The following C18orf63 variants were observed in gnomAD, a reference collection of about 807,000 sequenced individuals.
C18orf63 encodes the protein chromosome 18 open reading frame 63, also known as uncharacterized protein C18orf63.
A neutral mutation model predicts 75.3 loss-of-function variants in C18orf63; 50 were observed. The observed-to-expected ratio is 0.66, with a 90% CI of 0.53 to 0.84. The LOEUF (loss-of-function observed/expected upper bound fraction) is 0.84. C18orf63 is among the 40% of genes least tolerant of loss of function. C18orf63 has a pLI of 0.00. For missense variants in C18orf63, 732 were observed against 800.2 expected (o/e 0.91, Z 1.03); for synonymous variants, 232 against 267.6 (o/e 0.87, Z 1.30).
chr18:74,353,713 T>C lies in C18orf63; in HGVS notation c.1446T>C (p.Asn482=). 2 of 1,536,058 alleles carry C rather than the reference T, an allele frequency of 1.3e-6. No homozygotes were observed. Among genetic ancestry groups the C allele is most frequent in the Non-Finnish European group, 1.7e-6 (2 of 1,146,828 alleles). Residue 482 remains asparagine, a synonymous_variant, in exon 12 of 14, where the codon AAT becomes AAC. Coordinates refer to ENST00000579455, the MANE Select transcript of C18orf63 (RefSeq NM_001174123.2). ...GTATGATCCAGCATGACAAACTGAATTTAGGTCCAGCTATAAAAAACCGTT... is the reference window on the plus strand; with the variant it reads ...GTATGATCCAGCATGACAAACTGAACTTAGGTCCAGCTATAAAAAACCGTT... ...KTSMIQHDKL[N]LGPAIKNRYS...
At chr18:74,319,241 C>T (rs1393833858) in intron 2 of C18orf63, among the ~76,000 whole-genome samples, 1 of 151,670 alleles carries the variant, frequency 6.6e-6, no homozygotes, top group African/African-American at 2.4e-5. Flanking sequence ...TATCTTCACT[C>T]ACCCTCCCGG....
At chr18:74,335,597 A>G (rs995436143) in intron 7 of C18orf63, among the ~76,000 whole-genome samples, 1 of 152,158 alleles carries the variant, frequency 6.6e-6, no homozygotes, top group Non-Finnish European at 1.5e-5. Context: ...CATGAGGGAT[A>G]TATTTCAGAA....
chr18:74,318,279 T>C (rs1262792370), intron 2 of C18orf63, among the ~76,000 whole-genome samples: 1 of 152,214 alleles, frequency 6.6e-6, no homozygotes, highest in African/African-American at 2.4e-5. Context: ...ATTCATGAAT[T>C]AAATTCAGGC....
At position 74,350,781 on chromosome 18, in the gene C18orf63, C is replaced by A. The variant is rs146861884; in HGVS notation, c.979-2465C>A. On this transcript the variant is annotated intron_variant, in intron 11 of 13. Coordinates refer to ENST00000579455, the MANE Select transcript of C18orf63 (RefSeq NM_001174123.2). ...GAAACTTAGCTGGGTTTTCTTTGCA[C>A]CCCTTGAAAATAATGGGCAAATTAA... Among the ~76,000 whole-genome samples, 3 of 152,232 alleles carry A rather than the reference C, an allele frequency of 2.0e-5. No homozygotes were observed. The East Asian group carries it at 5.8e-4, about 29-fold the overall frequency.
chr18:74,331,727 C>T (rs117169991), intron 7 of C18orf63, among the ~76,000 whole-genome samples: 34 of 152,226 alleles, frequency 2.2e-4, no homozygotes, highest in African/African-American at 8.2e-4. Context: ...TTGAGAAACC[C>T]CAGGCATAGA....
intron 13 of C18orf63, among the ~76,000 whole-genome samples, chr18:74,355,727 T>C (rs903383021): frequency 9.2e-5 from 14 of 152,064 alleles, no homozygotes; most frequent in Non-Finnish European, 1.8e-4. Flanking sequence ...TGATACCAGC[T>C]TGGGCAACAT....
intron 8 of C18orf63, among the ~76,000 whole-genome samples, chr18:74,339,236 T>A (rs1047706542): frequency 7.2e-5 from 11 of 152,064 alleles, no homozygotes; most frequent in African/African-American, 2.7e-4. Context: ...GCAGGACTAT[T>A]GGGATAAAAT....
At chr18:74,345,654 G>C (rs1297124138) in intron 11 of C18orf63, among the ~76,000 whole-genome samples, 1 of 151,920 alleles carries the variant, frequency 6.6e-6, no homozygotes, top group Non-Finnish European at 1.5e-5. Context: ...TTCCCCAATA[G>C]TTTTTCTCCC....
Position 74,320,498 on chromosome 18 carries a change from A to AT in C18orf63, c.135-12dup. On this transcript the variant is annotated splice_polypyrimidine_tract_variant and intron_variant, in intron 2 of 13. Transcript: ENST00000579455. Reference sequence around the variant, plus strand: ...ACCATACCAGTCCACTTTGTAATATATTTCATCTCCACAGGCAATTGCTGT... The same window carrying AT: ...ACCATACCAGTCCACTTTGTAATATATTTTCATCTCCACAGGCAATTGCTGT... 6.6e-7 allele frequency: 1 copy of AT among 1,517,386 alleles called. No individual in the cohort carries two copies. Among genetic ancestry groups the AT allele is most frequent in the Non-Finnish European group, 8.8e-7 (1 of 1,131,568 alleles). The allele number at this position is 1,517,386 out of a possible 1,614,324, so 94.0% of individuals were successfully genotyped here. A position where few individuals can be genotyped will look rare whatever the true frequency, so the allele number is the denominator to read the frequency against.
chr18:74,341,053 C>T (rs193179072), intron 8 of C18orf63, among the ~76,000 whole-genome samples: 3 of 151,498 alleles, frequency 2.0e-5, no homozygotes, highest in Non-Finnish European at 2.9e-5. Context: ...TCACGAGGTC[C>T]GGAGATCGAG....
At position 74,338,735 on chromosome 18, in the gene C18orf63, C is replaced by T; in HGVS notation, c.522C>T (p.Ser174=). The part of the protein sequence containing the change: ...PAPELKEFEI[S]QSIIKDFHAN... ...AAAAGCTAAAAGAGTTTGAGATTTCCCAGAGTATTATAAAGGATTTTCATG... is the reference window on the plus strand; with the variant it reads ...AAAAGCTAAAAGAGTTTGAGATTTCTCAGAGTATTATAAAGGATTTTCATG... Residue 174 remains serine (S), a synonymous_variant, in exon 8 of 14, where the codon TCC becomes TCT. Transcript: ENST00000579455. 7.3e-7 allele frequency: 1 copy of T among 1,372,052 alleles called. No individual in the cohort carries two copies. Among genetic ancestry groups the T allele is most frequent in the South Asian group, 1.7e-5 (1 of 57,586 alleles). The allele number at this position is 1,372,052 out of a possible 1,614,324, so 85.0% of individuals were successfully genotyped here.
rs1984805015 is a variant in C18orf63 at position 74,358,302 on chromosome 18, A to G, written c.*1855A>G. ...TGCCATGTTTAGTGTATTTTTTTGT[A>G]TAAAGTAGGTTTGATTTTTATCTTA... On this transcript the variant is annotated 3_prime_UTR_variant, in exon 14 of 14. Transcript: ENST00000579455. The G allele has an allele frequency of 6.6e-6, 1 of 152,026 alleles. No homozygotes were observed. The highest frequency in any genetic ancestry group is 2.4e-5 in the African/African-American group (1 of 41,388). 9.4% of individuals were successfully genotyped at this position (152,026 alleles called of 1,614,324 possible).
intron 11 of C18orf63, among the ~76,000 whole-genome samples, chr18:74,348,289 T>C (rs960947951): frequency 5.3e-5 from 8 of 152,190 alleles, no homozygotes; most frequent in African/African-American, 1.9e-4. Context: ...TTCCTTGTTG[T>C]GTCATGTCAC....
intron 5 of C18orf63, 145 bp downstream of exon 5, chr18:74,328,203 A>G: frequency 3.4e-6 from 2 of 584,200 alleles, no homozygotes; most frequent in South Asian, 4.7e-5. Context: ...TCACAGTTCC[A>G]CATGGCTGGA....
chr18:74,321,167 T>C lies in C18orf63; in HGVS notation c.213+576T>C, dbSNP rs535456624. 5.3e-5 allele frequency among the ~76,000 whole-genome samples: 8 copies of C among 152,336 alleles called. No individual in the cohort carries two copies. The East Asian group carries it at 1.5e-3, about 29-fold the overall frequency. Reference sequence around the variant, plus strand: ...TGGAAATTCTGTTTTTCTGATATTTTAATTCCCAGAATCCAGTGAAATCAG... The same window carrying C: ...TGGAAATTCTGTTTTTCTGATATTTCAATTCCCAGAATCCAGTGAAATCAG... On this transcript the variant is annotated intron_variant, in intron 3 of 13. Coordinates refer to ENST00000579455, the MANE Select transcript of C18orf63 (RefSeq NM_001174123.2).
rs1568235822 is a variant in C18orf63, at chr18:74,328,039, T to G, written c.363T>G (p.Thr121=). 6.5e-7 allele frequency: 1 copy of G among 1,530,008 alleles called. No individual in the cohort carries two copies. The highest frequency in any genetic ancestry group is 8.8e-7 in the Non-Finnish European group (1 of 1,141,340). The allele number at this position is 1,530,008 out of a possible 1,614,324, so 94.8% of individuals were successfully genotyped here. A position where few individuals can be genotyped will look rare whatever the true frequency, so the allele number is the denominator to read the frequency against. ...MARLAPAWNR[T]GHLLIQGRDF... is the part of the protein sequence containing the mutation. ...GACTTGCTCCAGCCTGGAATAGAACTGGTCATCTCTTGATACAAGGTAACT... is the reference window on the plus strand; with the variant it reads ...GACTTGCTCCAGCCTGGAATAGAACGGGTCATCTCTTGATACAAGGTAACT... Residue 121 remains threonine (T), a synonymous_variant, in exon 5 of 14, where the codon ACT becomes ACG. Transcript: ENST00000579455.
At chr18:74,324,991 T>A (rs1159922781) in intron 4 of C18orf63, among the ~76,000 whole-genome samples, 1 of 152,210 alleles carries the variant, frequency 6.6e-6, no homozygotes, top group Non-Finnish European at 1.5e-5. Context: ...TTTCACATAA[T>A]CATAATCAGC....
intron 10 of C18orf63, among the ~76,000 whole-genome samples, chr18:74,342,562 C>G (rs1187677128): frequency 1.3e-5 from 2 of 152,078 alleles, no homozygotes; most frequent in Admixed American, 1.3e-4. Context: ...ATTTCAATAA[C>G]TTAGAAAAGT....
chr18:74,324,865 C>G (rs1984182687), intron 4 of C18orf63, among the ~76,000 whole-genome samples: 1 of 152,168 alleles, frequency 6.6e-6, no homozygotes, highest in East Asian at 1.9e-4. Flanking sequence ...GTTACCTTCA[C>G]TAGACTTTCC....
Sources: allele counts gnomAD v4.1 joint callset (sites outside exome capture counted in the v4.1 genomes callset), GRCh38; gene constraint gnomAD v4.1.1; transcripts MANE v1.5; gene names NCBI Gene and HGNC (gene_info 2026-07-23, HGNC 2026-07-21).